The following STK33 variants were observed in gnomAD, a reference collection of about 807,000 sequenced individuals.
The protein encoded by STK33 is serine/threonine kinase 33.
STK33 carries 52 observed loss-of-function variants against 58.0 expected under a neutral mutation model. The ratio of observed to expected loss-of-function variants is 0.90; its 90% CI spans 0.72 to 1.13. The LOEUF is 1.13. Among genes scored for constraint, STK33 ranks in the 50% most tolerant of loss-of-function variants. The pLI, the probability that STK33 is intolerant of heterozygous loss-of-function variation, is 0.00. For synonymous variants in STK33, 215 were observed against 200.1 expected (o/e 1.07, Z -0.63); for missense variants, 630 against 604.2 (o/e 1.04, Z -0.45).
the STK33 span, among the ~76,000 whole-genome samples, chr11:8,383,279 G>A: frequency 6.6e-6 from 1 of 152,172 alleles, no homozygotes; most frequent in African/African-American, 2.4e-5. Flanking sequence ...CAAACCCAAG[G>A]GGCTGGATGT....
intron 15 of STK33, among the ~76,000 whole-genome samples, chr11:8,397,628 T>C (rs528601819): frequency 9.6e-4 from 145 of 151,668 alleles, no homozygotes; most frequent in Middle Eastern, 3.4e-3. Context: ...CTTTGACGAG[T>C]TGAGAAAGAA....
At chr11:8,555,481 T>C (rs1340866154) in intron 1 of STK33, among the ~76,000 whole-genome samples, 2 of 151,856 alleles carry the variant, frequency 1.3e-5, no homozygotes, top group African/African-American at 4.8e-5. Context: ...CTGGGCAACA[T>C]GGCAAAACCC....
intron 1 of STK33, among the ~76,000 whole-genome samples, chr11:8,508,125 A>G (rs1952010087): frequency 6.6e-6 from 1 of 152,124 alleles, no homozygotes; most frequent in Non-Finnish European, 1.5e-5. Context: ...TCCTGACCTC[A>G]GGTGATCTGC....
At chr11:8,368,784 A>C in the STK33 span, among the ~76,000 whole-genome samples, 1 of 146,148 alleles carries the variant, frequency 6.8e-6, no homozygotes. Flanking sequence ...AAAATAACTT[A>C]CCGCATTTCC....
chr11:8,534,566 CTCTGTGTGTG>C (rs1303906958), intron 1 of STK33, among the ~76,000 whole-genome samples: 118 of 106,464 alleles, frequency 1.1e-3, no homozygotes, highest in Non-Finnish European at 1.3e-3. Flanking sequence ...CTCTCTCTCT[CTCTGTGTGTG>C]TGTGTGTGTG....
At chr11:8,336,671 G>T in the STK33 span, among the ~76,000 whole-genome samples, 1 of 152,226 alleles carries the variant, frequency 6.6e-6, no homozygotes, top group Non-Finnish European at 1.5e-5. Flanking sequence ...CCCTTTTTCT[G>T]CAGGCACTCC....
intron 11 of STK33, among the ~76,000 whole-genome samples, chr11:8,447,990 A>G (rs1945732909): frequency 1.3e-5 from 2 of 152,188 alleles, no homozygotes; most frequent in South Asian, 2.1e-4. Context: ...TTATACACCA[A>G]TAACAGACAG....
intron 11 of STK33, 83 bp from the exon 12 acceptor site, chr11:8,440,836 CT>C (rs773251818): frequency 6.9e-5 from 93 of 1,349,972 alleles, no homozygotes; most frequent in Non-Finnish European, 9.2e-5. Context: ...GAAAAATGTG[CT>C]GATGTGCTGT....
chr11:8,361,076 T>C, the STK33 span, among the ~76,000 whole-genome samples: 1 of 152,098 alleles, frequency 6.6e-6, no homozygotes, highest in Non-Finnish European at 1.5e-5. This position sits in a 1 kb window ranked among gnomAD's most constrained non-coding sequence, Gnocchi z 4.8. Context: ...CATTTTTGGG[T>C]GGGAAAATGT....
chr11:8,543,626 G>T (rs2140385112), intron 1 of STK33, among the ~76,000 whole-genome samples: 1 of 152,180 alleles, frequency 6.6e-6, no homozygotes, highest in Admixed American at 6.5e-5. Context: ...GGGGGAAGAT[G>T]GGACTGGTTA....
chr11:8,426,849 T>C (rs541126031), intron 14 of STK33, among the ~76,000 whole-genome samples: 7 of 151,998 alleles, frequency 4.6e-5, no homozygotes. Context: ...CCACTCTTTA[T>C]ATGTTTTTCA....
At chr11:8,456,262 G>C (rs1469250186) in intron 9 of STK33, among the ~76,000 whole-genome samples, 1 of 152,072 alleles carries the variant, frequency 6.6e-6, no homozygotes, top group Non-Finnish European at 1.5e-5. Flanking sequence ...TTTTTTCTGA[G>C]TTTGTATTCC....
At chr11:8,398,210 G>A (rs1265531577) in intron 15 of STK33, among the ~76,000 whole-genome samples, 2 of 152,142 alleles carry the variant, frequency 1.3e-5, no homozygotes, top group African/African-American at 2.4e-5. Flanking sequence ...GCAGCCAGAG[G>A]GAAAGGTCGG....
intron 1 of STK33, among the ~76,000 whole-genome samples, chr11:8,514,727 T>G (rs1050971492): frequency 6.6e-6 from 1 of 151,846 alleles, no homozygotes; most frequent in African/African-American, 2.4e-5. Flanking sequence ...TCTCTGAATG[T>G]TGATGACACC....
chr11:8,490,007 G>C (rs1254339148), intron 1 of STK33, among the ~76,000 whole-genome samples: 2 of 152,198 alleles, frequency 1.3e-5, no homozygotes, highest in African/African-American at 4.8e-5. Flanking sequence ...GATCAACGCA[G>C]AAGATGGGTG....
chr11:8,493,707 T>C (rs1178700392), intron 1 of STK33, among the ~76,000 whole-genome samples: 2 of 152,188 alleles, frequency 1.3e-5, no homozygotes, highest in Non-Finnish European at 2.9e-5. Flanking sequence ...AATAAAATAC[T>C]GGCAAACTGA....
At chr11:8,378,563 T>G in the STK33 span, among the ~76,000 whole-genome samples, 1 of 152,118 alleles carries the variant, frequency 6.6e-6, no homozygotes. Flanking sequence ...TCAGATCTCA[T>G]GAGAACTCAC....
At chr11:8,413,387 G>A (rs181038408) in intron 15 of STK33, 108 bp downstream of exon 15, 91 of 1,203,412 alleles carry the variant, frequency 7.6e-5, no homozygotes, top group East Asian at 5.4e-4. Context: ...TATAACGCTC[G>A]GCCTTTGTTA....
chr11:8,502,464 C>CTA (rs1362426487), intron 1 of STK33, among the ~76,000 whole-genome samples: 1 of 152,116 alleles, frequency 6.6e-6, no homozygotes, highest in Admixed American at 6.6e-5. Context: ...TTCCTTATAC[C>CTA]ATATACAAAA....
Sources: allele counts gnomAD v4.1 joint callset (sites outside exome capture counted in the v4.1 genomes callset), GRCh38; gene constraint gnomAD v4.1.1; non-coding constraint Gnocchi (gnomAD v3.1); transcripts MANE v1.5; gene names NCBI Gene and HGNC (gene_info 2026-07-23, HGNC 2026-07-21).